Variants in ABCD2 observed in about 807,000 individuals in gnomAD.
ABCD2 encodes ATP binding cassette subfamily D member 2, also known as ATP-binding cassette sub-family D member 2.
ABCD2 carries 36 observed loss-of-function variants against 70.9 expected under a neutral mutation model. The observed-to-expected ratio is 0.51, with a 90% CI of 0.39 to 0.67. ABCD2 has a LOEUF of 0.67. Ranked by LOEUF, ABCD2 falls within the 30% of genes least tolerant of loss-of-function variation. ABCD2 has a pLI of 0.00. For missense variants in ABCD2, 729 were observed against 890.2 expected, an observed-to-expected ratio of 0.82 and a Z score of 2.30; for synonymous variants, 304 against 306.9, an observed-to-expected ratio of 0.99 and a Z score of 0.10.
At chr12:39,571,497 A>C (rs959465140) in intron 9 of ABCD2, among the ~76,000 whole-genome samples, 1 of 152,188 alleles carries the variant, frequency 6.6e-6, no homozygotes. Flanking sequence ...GATCTCACTC[A>C]TACATGGTCA....
At chr12:39,563,054 G>A (rs184400119) in intron 9 of ABCD2, among the ~76,000 whole-genome samples, 107 of 152,032 alleles carry the variant, frequency 7.0e-4, no homozygotes, top group African/African-American at 1.9e-3. Flanking sequence ...CAAAATGAAG[G>A]ACAAAAAATA....
At chr12:39,557,104 T>C (rs1054940127) in intron 9 of ABCD2, among the ~76,000 whole-genome samples, 1 of 152,156 alleles carries the variant, frequency 6.6e-6, no homozygotes, top group Non-Finnish European at 1.5e-5. Context: ...TGGAATTTCC[T>C]AGGGACTTAT....
At chr12:39,569,765 C>G (rs1349689374) in intron 9 of ABCD2, among the ~76,000 whole-genome samples, 1 of 152,152 alleles carries the variant, frequency 6.6e-6, no homozygotes. Context: ...GCCCTCTTGG[C>G]TCCACTCCCC....
chr12:39,619,652 G>T lies in ABCD2; in HGVS notation c.-37C>A, dbSNP rs2120805711. On this transcript the variant is annotated 5_prime_UTR_variant, in exon 1 of 10. Transcript: ENST00000308666. ...CCCAAACCGGCTTCCAAAAGAATTC[G>T]TTTTAAAAGATCATGCTTCACAGAA... The T allele has an allele frequency of 6.4e-7, 1 of 1,560,076 alleles. No individual in the cohort carries two copies. The highest frequency in any genetic ancestry group is 1.7e-4 in the Middle Eastern group (1 of 5,898).
intron 7 of ABCD2, among the ~76,000 whole-genome samples, chr12:39,585,005 T>G (rs1686442779): frequency 6.6e-6 from 1 of 152,238 alleles, no homozygotes; most frequent in South Asian, 2.1e-4. Flanking sequence ...ATTCAGGCTC[T>G]TTCTTGGTTC....
chr12:39,569,359 G>C (rs1393959566), intron 9 of ABCD2, among the ~76,000 whole-genome samples: 1 of 152,192 alleles, frequency 6.6e-6, no homozygotes, highest in Non-Finnish European at 1.5e-5. Context: ...CTGCCGTCTT[G>C]CAGTTTGATC....
At chr12:39,593,469 C>G (rs571123537) in intron 6 of ABCD2, among the ~76,000 whole-genome samples, 1 of 152,084 alleles carries the variant, frequency 6.6e-6, no homozygotes, top group South Asian at 2.1e-4. Context: ...CAGGGCTAAC[C>G]TTAAATTCCT....
At chr12:39,594,891 T>G (rs888786760) in intron 6 of ABCD2, among the ~76,000 whole-genome samples, 1 of 152,032 alleles carries the variant, frequency 6.6e-6, no homozygotes, top group African/African-American at 2.4e-5. Context: ...CGATAATCAC[T>G]TGAGGCCAGG....
chr12:39,559,403 G>GAAAAAAAAAAAA (rs1941219580), intron 9 of ABCD2, among the ~76,000 whole-genome samples: 1 of 143,148 alleles, frequency 7.0e-6, no homozygotes. Context: ...AAAAAAAAAG[G>GAAAAAAAAAAAA]AAATATATGA....
rs1225298710 is a variant in ABCD2, at chr12:39,564,593, A to G, written c.2003+9123T>C. ...ATTCTGTAGGTTGCCTGTTCACTCT[A>G]ATGGTAGTTTCTTTTGCTGTGCAGA... On this transcript the variant is annotated intron_variant, in intron 9 of 9. Transcript: ENST00000308666. Among the ~76,000 whole-genome samples, 388 of 152,126 alleles carry G rather than the reference A, an allele frequency of 2.6e-3. 2 individuals carry two copies. Among genetic ancestry groups the G allele is most frequent in the African/African-American group, 8.6e-3 (359 of 41,506 alleles).
intron 3 of ABCD2, among the ~76,000 whole-genome samples, chr12:39,605,764 T>C (rs1019503598): frequency 1.3e-5 from 2 of 152,156 alleles, no homozygotes; most frequent in African/African-American, 2.4e-5. Context: ...AGGATAGTTC[T>C]TGCACAAGAA....
At chr12:39,589,936 A>G (rs1034274972) in intron 6 of ABCD2, among the ~76,000 whole-genome samples, 2 of 152,186 alleles carry the variant, frequency 1.3e-5, no homozygotes, top group African/African-American at 4.8e-5. Flanking sequence ...AAAGCCGCTT[A>G]GGTTTTTATT....
In ABCD2 at chr12:39,553,733, T is replaced by C. The variant is rs1270890269; in HGVS notation, c.*179A>G. ...AGTCATAATGACTGACCTTACATAA[T>C]GCATTTGTTTATTTTCTTCTGAAAA... On this transcript the variant is annotated 3_prime_UTR_variant, in exon 10 of 10. Coordinates refer to ENST00000308666, the MANE Select transcript of ABCD2 (RefSeq NM_005164.4). The C allele has an allele frequency of 3.4e-6, 2 of 583,548 alleles. No homozygotes were observed. The highest frequency in any genetic ancestry group is 2.8e-5 in the East Asian group (1 of 35,428). 36.1% of individuals were successfully genotyped at this position (583,548 alleles called of 1,614,324 possible). A position where few individuals can be genotyped will look rare whatever the true frequency, so the allele number is the denominator to read the frequency against.
At chr12:39,604,626 T>C (rs1035787889) in intron 4 of ABCD2, 136 bp downstream of exon 4, 12 of 605,030 alleles carry the variant, frequency 2.0e-5, no homozygotes, top group Non-Finnish European at 3.2e-5. Context: ...ATACTAATAT[T>C]AGGGATTGCT....
intron 5 of ABCD2, among the ~76,000 whole-genome samples, chr12:39,603,358 C>A (rs934001779): frequency 6.6e-6 from 1 of 151,914 alleles, no homozygotes; most frequent in African/African-American, 2.4e-5. Context: ...TTATTAGATA[C>A]TTTTACTTTT....
At chr12:39,577,288 T>G (rs1481861672) in intron 8 of ABCD2, among the ~76,000 whole-genome samples, 2 of 152,184 alleles carry the variant, frequency 1.3e-5, no homozygotes, top group Admixed American at 1.3e-4. Context: ...AAATCATTTT[T>G]TATGCTATGT....
At chr12:39,533,436 G>A in the ABCD2 span, among the ~76,000 whole-genome samples, 1 of 152,032 alleles carries the variant, frequency 6.6e-6, no homozygotes, top group East Asian at 1.9e-4. Context: ...AAATTAAAAG[G>A]CAGAACAATT....
At chr12:39,583,429 T>G (rs1265004691) in intron 7 of ABCD2, among the ~76,000 whole-genome samples, 2 of 152,220 alleles carry the variant, frequency 1.3e-5, no homozygotes, top group African/African-American at 4.8e-5. Flanking sequence ...GGTGTCTCAT[T>G]TGTTATTTCA....
chr12:39,563,742 C>T (rs1209412794), intron 9 of ABCD2, among the ~76,000 whole-genome samples: 1 of 152,132 alleles, frequency 6.6e-6, no homozygotes, highest in Non-Finnish European at 1.5e-5. Flanking sequence ...CATCATTTAA[C>T]ATTAGTTATA....
Sources: gnomAD v4.1 joint callset for allele counts (sites outside exome capture counted in the v4.1 genomes callset) on GRCh38, gnomAD v4.1.1 for gene constraint, MANE v1.5 for transcripts, NCBI Gene and HGNC (gene_info 2026-07-23, HGNC 2026-07-21) for gene names.